The following MALRD1 variants were observed in gnomAD, a reference collection of about 807,000 sequenced individuals.
The protein encoded by MALRD1 is MAM and LDL-receptor class A domain-containing protein 1.
MALRD1 carries 247 observed loss-of-function variants against 242.1 expected under a neutral mutation model. The ratio of observed to expected loss-of-function variants is 1.02; its 90% CI spans 0.92 to 1.13. The LOEUF (loss-of-function observed/expected upper bound fraction) is 1.13, where lower values mean the gene tolerates loss of function less well. MALRD1 is among the 50% of genes most tolerant of loss of function. MALRD1 has a pLI of 0.00. For missense variants in MALRD1, 2,989 were observed against 2,533.1 expected (o/e 1.18, Z -3.86); for synonymous variants, 995 against 866.6 (o/e 1.15, Z -2.60).
intron 28 of MALRD1, among the ~76,000 whole-genome samples, chr10:19,409,220 G>C (rs749591870): frequency 1.4e-4 from 21 of 152,196 alleles, no homozygotes; most frequent in Non-Finnish European, 3.1e-4. Flanking sequence ...ACTGAAAGAT[G>C]AGGATTCCAA....
At chr10:19,561,429 TTAACTA>T (rs1344567253) in intron 32 of MALRD1, among the ~76,000 whole-genome samples, 1 of 152,226 alleles carries the variant, frequency 6.6e-6, no homozygotes, top group East Asian at 1.9e-4. Flanking sequence ...CTTGGCATCT[TTAACTA>T]TAATAGTAAA....
At chr10:19,600,673 C>T (rs959342246) in intron 34 of MALRD1, among the ~76,000 whole-genome samples, 7 of 151,980 alleles carry the variant, frequency 4.6e-5, no homozygotes, top group East Asian at 1.9e-4. Context: ...ACATATTCTA[C>T]GTTTGAATAT....
intron 32 of MALRD1, among the ~76,000 whole-genome samples, chr10:19,546,508 C>CCTAA (rs1288376257): frequency 6.6e-6 from 1 of 152,204 alleles, no homozygotes; most frequent in Non-Finnish European, 1.5e-5. Context: ...ATCAGCAACT[C>CCTAA]CTAACCCAAG....
intron 30 of MALRD1, chr10:19,493,108 C>A (rs1011517844): frequency 1.3e-5 from 2 of 152,114 alleles, no homozygotes; most frequent in African/African-American, 4.8e-5. Flanking sequence ...ACCTCTAGAA[C>A]TATTTTCATC....
intron 29 of MALRD1, chr10:19,491,118 A>G: frequency 2.8e-6 from 1 of 360,732 alleles, no homozygotes; most frequent in Non-Finnish European, 5.7e-6. Context: ...ATAGACTCAG[A>G]TCACCAGGAG....
chr10:19,690,533 T>C (rs1017187302), intron 36 of MALRD1, among the ~76,000 whole-genome samples: 6 of 152,030 alleles, frequency 3.9e-5, no homozygotes, highest in Non-Finnish European at 8.8e-5. Flanking sequence ...CACCAAATCT[T>C]TCTGTTATTT....
At chr10:19,192,401 G>A (rs767053691) in intron 14 of MALRD1, among the ~76,000 whole-genome samples, 1 of 152,080 alleles carries the variant, frequency 6.6e-6, no homozygotes, top group African/African-American at 2.4e-5. Context: ...ATAAGAAGAG[G>A]GCTTGATATA....
chr10:19,693,254 G>A (rs1388096151), intron 38 of MALRD1, among the ~76,000 whole-genome samples: 2 of 151,818 alleles, frequency 1.3e-5, no homozygotes, highest in Non-Finnish European at 2.9e-5. Flanking sequence ...GAAAGAAAGG[G>A]TATTCAATTA....
chr10:19,702,767 A>G (rs1308485169), intron 38 of MALRD1, among the ~76,000 whole-genome samples: 2 of 152,000 alleles, frequency 1.3e-5, no homozygotes, highest in South Asian at 2.1e-4. Flanking sequence ...CACCTTGAAA[A>G]TAATGCCAAA....
intron 32 of MALRD1, among the ~76,000 whole-genome samples, chr10:19,534,140 G>A (rs933846880): frequency 6.6e-6 from 1 of 152,146 alleles, no homozygotes; most frequent in African/African-American, 2.4e-5. Context: ...TTCTGCACCA[G>A]TAGAATTCTC....
At chr10:19,270,328 TCTCTCTCTCACACA>T (rs1237805138) in intron 19 of MALRD1, among the ~76,000 whole-genome samples, 16 of 94,402 alleles carry the variant, frequency 1.7e-4, no homozygotes, top group African/African-American at 6.7e-4. Flanking sequence ...TCTCTCTCTC[TCTCTCTCTCACACA>T]CACACACACA....
chr10:19,405,841 T>A lies in MALRD1; in HGVS notation c.4845+16232T>A, dbSNP rs561590665. On this transcript the variant is annotated intron_variant, in intron 28 of 39. Transcript: ENST00000454679. ...ACCACTCACTAAACATAGGGATTACTTTTGCGTTAGGATGCATTTTTTTTT... is the reference window on the plus strand; with the variant it reads ...ACCACTCACTAAACATAGGGATTACATTTGCGTTAGGATGCATTTTTTTTT... Among the ~76,000 whole-genome samples the A allele has an allele frequency of 4.5e-5, 6 of 134,212 alleles. No homozygotes were observed. In the East Asian group the frequency reaches 1.3e-3, roughly 30 times the overall value. The allele number at this position is 134,212 out of a possible 152,430, so 88.0% of individuals were successfully genotyped here.
At chr10:19,159,119 T>C (rs926808081) in intron 12 of MALRD1, among the ~76,000 whole-genome samples, 1 of 152,152 alleles carries the variant, frequency 6.6e-6, no homozygotes, top group African/African-American at 2.4e-5. Flanking sequence ...TTCGGTTTTA[T>C]TGAAGATTCT....
chr10:19,607,919 C>T lies in MALRD1; in HGVS notation c.6070+17C>T. ...GCTGCTCCGGTACCCCATTTCCATT[C>T]AGATATTCTTGTGATATGAACCAGC... On this transcript the variant is annotated intron_variant, in intron 35 of 39. Transcript: ENST00000454679. The T allele has an allele frequency of 6.5e-7, 1 of 1,548,636 alleles. No individual in the cohort carries two copies. Among genetic ancestry groups the T allele is most frequent in the Non-Finnish European group, 8.7e-7 (1 of 1,146,048 alleles).
chr10:19,219,538 G>T (rs1837469364), intron 18 of MALRD1, among the ~76,000 whole-genome samples: 1 of 152,056 alleles, frequency 6.6e-6, no homozygotes, highest in Non-Finnish European at 1.5e-5. Flanking sequence ...CCAAGCTCAA[G>T]TGATGCTCTT....
chr10:19,513,475 C>G (rs556438164), intron 31 of MALRD1, among the ~76,000 whole-genome samples: 15 of 149,038 alleles, frequency 1.0e-4, no homozygotes, highest in Admixed American at 2.0e-4. Context: ...CGTGGTGGCT[C>G]ACGCCTGTAA....
chr10:19,476,867 T>A (rs1836761762), intron 29 of MALRD1, among the ~76,000 whole-genome samples: 1 of 152,114 alleles, frequency 6.6e-6, no homozygotes, highest in African/African-American at 2.4e-5. Context: ...CAGAAATACA[T>A]CTCTATATTT....
chr10:19,049,667 T>C lies in MALRD1; in HGVS notation c.199+530T>C, dbSNP rs141220500. 5.2e-3 allele frequency among the ~76,000 whole-genome samples: 795 copies of C among 152,308 alleles called. 10 individuals are homozygous for C. The highest frequency in any genetic ancestry group is 0.018 in the African/African-American group (744 of 41,558). On this transcript the variant is annotated intron_variant, in intron 1 of 39. Coordinates refer to ENST00000454679, the MANE Select transcript of MALRD1 (RefSeq NM_001142308.3). ...GTAGAAGGGCACAAGCTTCAGAGAA[T>C]GCAAGACCTAGATTTATGTCCTGGA...
At chr10:19,142,813 C>T (rs1406971183) in intron 10 of MALRD1, among the ~76,000 whole-genome samples, 2 of 152,130 alleles carry the variant, frequency 1.3e-5, no homozygotes, top group Non-Finnish European at 2.9e-5. Flanking sequence ...ACTCTCCCGG[C>T]TTTCTTCAGA....
Sources: gnomAD v4.1 joint callset for allele counts (sites outside exome capture counted in the v4.1 genomes callset) on GRCh38, gnomAD v4.1.1 for gene constraint, MANE v1.5 for transcripts, NCBI Gene and HGNC (gene_info 2026-07-23, HGNC 2026-07-21) for gene names.